The following LAMA1 variants were observed in gnomAD, a reference collection of about 807,000 sequenced individuals.
The protein encoded by LAMA1 is laminin subunit alpha-1.
Under a neutral mutation model 348.7 loss-of-function variants are expected in LAMA1, and 219 were observed. The observed-to-expected ratio is 0.63, with a 90% CI of 0.56 to 0.70. The LOEUF (loss-of-function observed/expected upper bound fraction) is 0.70. Ranked by LOEUF, LAMA1 falls within the 30% of genes least tolerant of loss-of-function variation. The pLI is 0.00. For synonymous variants in LAMA1, 1,487 were observed against 1,491.0 expected (o/e 1.00, Z 0.06); for missense variants, 3,744 against 3,888.0 (o/e 0.96, Z 0.99).
chr18:6,976,514 C>T (rs8088922), intron 44 of LAMA1, among the ~76,000 whole-genome samples: 9,500 of 152,076 alleles, frequency 0.062, 503 homozygotes, highest in African/African-American at 0.15. Flanking sequence ...ACTAGTAATT[C>T]GTTGCATATG....
chr18:6,960,900 AT>A (rs140788699), intron 53 of LAMA1, among the ~76,000 whole-genome samples: 11,118 of 152,182 alleles, frequency 0.073, 1,277 homozygotes, highest in African/African-American at 0.25. Context: ...CATGGTTGTG[AT>A]TAATTACACA....
At chr18:6,975,893 T>C (rs1264149582) in intron 45 of LAMA1, 44 bp downstream of exon 45, 2 of 1,612,778 alleles carry the variant, frequency 1.2e-6, no homozygotes, top group East Asian at 4.5e-5. Flanking sequence ...AATCTAGAAG[T>C]GCATAAAAGA....
intron 1 of LAMA1, among the ~76,000 whole-genome samples, chr18:7,104,725 C>G (rs2058305227): frequency 6.6e-6 from 1 of 152,264 alleles, no homozygotes; most frequent in Non-Finnish European, 1.5e-5. Flanking sequence ...GTCAACCTCA[C>G]AGTCCATTAA....
Position 6,949,252 on chromosome 18 carries a change from G to T in LAMA1, c.8405C>A (p.Thr2802Lys). 6.2e-7 allele frequency: 1 copy of T among 1,614,158 alleles called. No homozygotes were observed. Among genetic ancestry groups the T allele is most frequent in the Non-Finnish European group, 8.5e-7 (1 of 1,180,030 alleles). Residue 2802 changes from threonine to lysine, a missense_variant, in exon 59 of 63, where the codon ACA becomes AAA. By Grantham distance (78) the Thr-to-Lys change is moderately conservative. Around this residue, in one of 3 missense-constraint regions of LAMA1, gnomAD observed 1,983 missense variants for 1,934.3 expected, o/e 1.03. Transcript: ENST00000389658. ...LSDGKWHTVKTDYVKRKGFIT... is the reference protein window; with the variant it reads ...LSDGKWHTVKKDYVKRKGFIT... ...GAAGCCTTTTCTTTTAACATAGTCT[G>T]TCTTGACCTACAGCAAAGTGAAAAC...
At chr18:6,956,830 C>T in intron 55 of LAMA1, 65 bp from the exon 56 acceptor site, 1 of 1,527,388 alleles carries the variant, frequency 6.5e-7, no homozygotes, top group Non-Finnish European at 9.1e-7. Flanking sequence ...GAACCCAAGT[C>T]ATCTGATAAC....
At chr18:7,111,230 T>C (rs575187429) in intron 1 of LAMA1, among the ~76,000 whole-genome samples, 1 of 152,254 alleles carries the variant, frequency 6.6e-6, no homozygotes, top group African/African-American at 2.4e-5. Context: ...AAAAAAAATG[T>C]GCACGCACAC....
At position 7,075,579 on chromosome 18, in the gene LAMA1, C is replaced by T. The variant is rs188788422; in HGVS notation, c.345+4396G>A. On this transcript the variant is annotated intron_variant, in intron 3 of 62. Coordinates refer to ENST00000389658, the MANE Select transcript of LAMA1 (RefSeq NM_005559.4). ...CGGAGGTTGCAGTGAGCCGAGATCG[C>T]GCCATTGCCCTCCAGTCTGGGAAAC... Among the ~76,000 whole-genome samples the T allele has an allele frequency of 4.0e-5, 6 of 151,576 alleles. No individual in the cohort carries two copies. In the East Asian group the frequency reaches 9.8e-4, roughly 25 times the overall value.
intron 1 of LAMA1, among the ~76,000 whole-genome samples, chr18:7,111,824 G>A (rs947850202): frequency 2.6e-5 from 4 of 152,260 alleles, no homozygotes; most frequent in East Asian, 1.9e-4. Flanking sequence ...AGAATGTAAC[G>A]AAAAACTTCA....
At chr18:7,078,772 G>C (rs1015777812) in intron 3 of LAMA1, among the ~76,000 whole-genome samples, 1 of 151,816 alleles carries the variant, frequency 6.6e-6, no homozygotes, top group Non-Finnish European at 1.5e-5. Flanking sequence ...GGCGGATCAC[G>C]AGGTCAAGAG....
At chr18:6,981,827 G>T (rs2057713056) in intron 41 of LAMA1, among the ~76,000 whole-genome samples, 1 of 152,088 alleles carries the variant, frequency 6.6e-6, no homozygotes, top group South Asian at 2.1e-4. Flanking sequence ...TGGTATTTTT[G>T]ATCTATTAGA....
intron 59 of LAMA1, 103 bp from the exon 60 acceptor site, chr18:6,948,659 T>A: frequency 7.8e-7 from 1 of 1,287,776 alleles, no homozygotes; most frequent in Non-Finnish European, 1.1e-6. Context: ...CAAAACACAT[T>A]AAAATGTAAT....
At chr18:7,097,901 T>G (rs2143812772) in intron 1 of LAMA1, among the ~76,000 whole-genome samples, 1 of 150,940 alleles carries the variant, frequency 6.6e-6, no homozygotes, top group East Asian at 2.0e-4. Flanking sequence ...GGTCTCCCTC[T>G]CATGCTGAGC....
chr18:6,959,700 T>C (rs1463653472), intron 53 of LAMA1: 32 of 576,056 alleles, frequency 5.6e-5, no homozygotes, highest in Admixed American at 4.7e-4. Flanking sequence ...TATGCTATTA[T>C]TGCTGAAGAT....
chr18:6,998,547 A>G (rs984080875), intron 32 of LAMA1, among the ~76,000 whole-genome samples: 2 of 152,176 alleles, frequency 1.3e-5, no homozygotes, highest in Non-Finnish European at 2.9e-5. Flanking sequence ...GTACAAGTGA[A>G]GGACACTGGA....
chr18:6,968,101 GC>G (rs1435746090), intron 48 of LAMA1, among the ~76,000 whole-genome samples: 1 of 152,188 alleles, frequency 6.6e-6, no homozygotes, highest in Non-Finnish European at 1.5e-5. Context: ...GTGGGTCTCT[GC>G]CTTGGTAAGG....
In LAMA1 at chr18:7,010,489, A is replaced by G. The variant is rs551135923; in HGVS notation, c.3688-104T>C. The G allele has an allele frequency of 1.0e-5, 11 of 1,054,770 alleles. No homozygotes were observed. In the South Asian group the frequency reaches 1.2e-4, roughly 11 times the overall value. 65.3% of individuals were successfully genotyped at this position (1,054,770 alleles called of 1,614,324 possible). On this transcript the variant is annotated intron_variant, in intron 25 of 62. Coordinates refer to ENST00000389658, the MANE Select transcript of LAMA1 (RefSeq NM_005559.4). ...AAGAGAGAAATCTTGTATCTTAAAA[A>G]TACATCACATGGGTGAAATTTGTTG...
rs1046157313 is a variant in LAMA1 at position 7,023,486 on chromosome 18, A to C, written c.2490-111T>G. The C allele has an allele frequency of 1.6e-5, 14 of 889,632 alleles. No homozygotes were observed. The African/African-American group carries it at 1.8e-4, about 12-fold the overall frequency. The allele number at this position is 889,632 out of a possible 1,614,324, so 55.1% of individuals were successfully genotyped here. On this transcript the variant is annotated intron_variant, in intron 18 of 62. Transcript: ENST00000389658. ...TAAATCAGACGGACTCTGTTCCCTG[A>C]GATTTACTGTGAAAGGGATATGACT...
chr18:7,084,074 GAAAAAAA>G (rs35419107), intron 1 of LAMA1, among the ~76,000 whole-genome samples: 33 of 49,726 alleles, frequency 6.6e-4, no homozygotes, highest in South Asian at 1.4e-3. Context: ...TTCTGTCTCA[GAAAAAAA>G]AAAAAAAAAA....
At chr18:7,098,118 C>T (rs970888201) in intron 1 of LAMA1, among the ~76,000 whole-genome samples, 6 of 149,496 alleles carry the variant, frequency 4.0e-5, no homozygotes, top group South Asian at 2.1e-4. Flanking sequence ...CCCGAGGTGC[C>T]GGGATTGCAG....
Sources: allele counts gnomAD v4.1 joint callset (sites outside exome capture counted in the v4.1 genomes callset), GRCh38; gene constraint gnomAD v4.1.1; regional missense constraint gnomAD v4.1.1; transcripts MANE v1.5; gene names NCBI Gene and HGNC (gene_info 2026-07-23, HGNC 2026-07-21).